The following GNAO1 variants were observed in gnomAD, a reference collection of about 807,000 sequenced individuals.
GNAO1 encodes the protein guanine nucleotide-binding protein G(o) subunit alpha.
For missense variants in GNAO1, 166 were observed against 478.7 expected (o/e 0.35, Z 6.10); for synonymous variants, 164 against 180.7 (o/e 0.91, Z 0.74).
At chr16:56,269,936 A>C (rs1271340499) in intron 2 of GNAO1, among the ~76,000 whole-genome samples, 18 of 152,162 alleles carry the variant, frequency 1.2e-4, no homozygotes, top group Admixed American at 1.2e-3. Context: ...TGACCATATA[A>C]GGCCAGCATG....
At chr16:56,305,595 G>A (rs1257870895) in intron 3 of GNAO1, among the ~76,000 whole-genome samples, 5 of 152,160 alleles carry the variant, frequency 3.3e-5, no homozygotes, top group African/African-American at 1.2e-4. Context: ...AGGCTCAGGG[G>A]AGGAACGACC....
At chr16:56,282,095 AG>A (rs1355278050) in intron 3 of GNAO1, among the ~76,000 whole-genome samples, 2 of 152,322 alleles carry the variant, frequency 1.3e-5, no homozygotes, top group East Asian at 3.9e-4. Context: ...AAACTCCTTA[AG>A]GGCAGAGTGT....
intron 2 of GNAO1, among the ~76,000 whole-genome samples, chr16:56,269,480 C>T (rs1336760379): frequency 3.9e-5 from 6 of 152,172 alleles, no homozygotes; most frequent in East Asian, 3.9e-4. Flanking sequence ...GATTGACTGC[C>T]GACTGTGCTG....
chr16:56,205,437 G>C (rs1181181091), intron 2 of GNAO1, among the ~76,000 whole-genome samples: 2 of 152,194 alleles, frequency 1.3e-5, no homozygotes, highest in East Asian at 3.8e-4. Flanking sequence ...GGCAGGAGAG[G>C]CACCCACTCT....
intron 3 of GNAO1, among the ~76,000 whole-genome samples, chr16:56,297,944 G>A (rs981295018): frequency 3.3e-5 from 5 of 152,262 alleles, no homozygotes; most frequent in South Asian, 2.1e-4. Flanking sequence ...AAAGGTGGGC[G>A]GATCACTTGA....
chr16:56,329,598 T>A (rs1240644225), intron 4 of GNAO1, among the ~76,000 whole-genome samples: 1 of 152,188 alleles, frequency 6.6e-6, no homozygotes, highest in Non-Finnish European at 1.5e-5. Flanking sequence ...CAGGGACATG[T>A]CTTCTGTCAT....
In GNAO1 at chr16:56,336,871, TG is replaced by T. The variant is rs760140791; in HGVS notation, c.723+14del. Reference sequence around the variant, plus strand: ...GAAGACGAAACCACGGTGAGTGGCCTGGGCCCCCCGGGCAGGGGGCAGCGCT... The same window carrying T: ...GAAGACGAAACCACGGTGAGTGGCCTGGCCCCCCGGGCAGGGGGCAGCGCT... On this transcript the variant is annotated intron_variant, in intron 6 of 8. Transcript: ENST00000262493. 4.4e-6 allele frequency: 7 copies of T among 1,606,368 alleles called. No homozygotes were observed. In the East Asian group the frequency reaches 1.6e-4, roughly 36 times the overall value.
chr16:56,193,371 C>T (rs2036199756), intron 2 of GNAO1: 1 of 153,498 alleles, frequency 6.5e-6, no homozygotes, highest in South Asian at 2.1e-4. Context: ...CCCAGCTCCT[C>T]TCCTCCCCCA....
chr16:56,321,759 A>G (rs1360539422), intron 3 of GNAO1, among the ~76,000 whole-genome samples: 1 of 152,176 alleles, frequency 6.6e-6, no homozygotes, highest in Non-Finnish European at 1.5e-5. Flanking sequence ...GCAGGCCTTC[A>G]CTGCCACCTG....
chr16:56,282,309 C>G (rs1596840457), intron 3 of GNAO1, among the ~76,000 whole-genome samples: 1 of 152,194 alleles, frequency 6.6e-6, no homozygotes, highest in Admixed American at 6.5e-5. Context: ...ATGCCTGTAG[C>G]GTGCATAGGA....
intron 2 of GNAO1, among the ~76,000 whole-genome samples, chr16:56,262,011 T>C (rs1243308932): frequency 1.3e-5 from 2 of 152,172 alleles, no homozygotes; most frequent in African/African-American, 4.8e-5. Flanking sequence ...GATCCACATG[T>C]GTGTGATACT....
At chr16:56,227,684 T>A in intron 2 of GNAO1, among the ~76,000 whole-genome samples, 1 of 79,192 alleles carries the variant, frequency 1.3e-5, no homozygotes, top group East Asian at 4.0e-4. Flanking sequence ...GAAGACCCTG[T>A]CTCAAAAAAA....
chr16:56,208,231 T>C (rs1871201), intron 2 of GNAO1, among the ~76,000 whole-genome samples: 21,321 of 152,286 alleles, frequency 0.14, 2,004 homozygotes, highest in African/African-American at 0.26. Context: ...TTAATTTTCC[T>C]ATGTAGCATT....
At chr16:56,328,607 C>T (rs1464572544) in intron 3 of GNAO1, 24 bp from the exon 4 acceptor site, 1 of 1,609,074 alleles carries the variant, frequency 6.2e-7, no homozygotes. Context: ...AGCGTCAAAG[C>T]CCACCATCCA....
At chr16:56,252,093 A>G (rs1360943860) in intron 2 of GNAO1, among the ~76,000 whole-genome samples, 1 of 152,208 alleles carries the variant, frequency 6.6e-6, no homozygotes, top group Non-Finnish European at 1.5e-5. Context: ...GGCCACACCA[A>G]GGAAGGTAGA....
intron 6 of GNAO1, chr16:56,347,244 C>T: frequency 2.0e-6 from 2 of 985,502 alleles, no homozygotes; most frequent in Non-Finnish European, 2.4e-6. Flanking sequence ...TCAGGCAAAA[C>T]CTGGCAGTTC....
intron 6 of GNAO1, chr16:56,346,590 G>A (rs3811361): frequency 0.2 from 200,882 of 985,070 alleles, 20,744 homozygotes; most frequent in Middle Eastern, 0.27. Flanking sequence ...AGGGTGTGGG[G>A]TCTGCCCAGC....
intron 2 of GNAO1, among the ~76,000 whole-genome samples, chr16:56,247,269 T>C (rs1481227550): frequency 6.6e-6 from 1 of 152,128 alleles, no homozygotes; most frequent in Non-Finnish European, 1.5e-5. Flanking sequence ...ACAGTTTCCT[T>C]TACCTGGAAT....
chr16:56,213,149 A>G (rs1024836470), intron 2 of GNAO1: 9 of 384,876 alleles, frequency 2.3e-5, no homozygotes, highest in Admixed American at 4.5e-5. Context: ...GGAAGAGGGA[A>G]TGTGAATTTG....
Sources: allele counts gnomAD v4.1 joint callset (sites outside exome capture counted in the v4.1 genomes callset), GRCh38; gene constraint gnomAD v4.1.1; transcripts MANE v1.5; gene names NCBI Gene and HGNC (gene_info 2026-07-23, HGNC 2026-07-21).